The following RYR2 variants were observed in gnomAD, a reference collection of about 807,000 sequenced individuals.
The protein encoded by RYR2 is ryanodine receptor 2.
A neutral mutation model predicts 601.1 loss-of-function variants in RYR2; 227 were observed. That is an observed-to-expected ratio of 0.38 (90% confidence interval 0.34 to 0.42). RYR2 has a LOEUF of 0.42. Among genes scored for constraint, RYR2 ranks in the 10% least tolerant of loss-of-function variants. The pLI, the probability that RYR2 is intolerant of heterozygous loss-of-function variation, is 1.00. For synonymous variants in RYR2, 2,223 were observed against 2,175.1 expected (o/e 1.02, Z -0.61); for missense variants, 4,646 against 6,156.5 (o/e 0.75, Z 8.21).
intron 1 of RYR2, among the ~76,000 whole-genome samples, chr1:237,168,397 A>G (rs1429083003): frequency 6.6e-6 from 1 of 152,092 alleles, no homozygotes; most frequent in East Asian, 1.9e-4. Context: ...GCTTTGGGTC[A>G]TTTATTTGAT....
At chr1:237,465,542 C>G (rs151186446) in intron 16 of RYR2, among the ~76,000 whole-genome samples, 13 of 152,258 alleles carry the variant, frequency 8.5e-5, no homozygotes, top group Non-Finnish European at 1.9e-4. Context: ...ATACATCTTG[C>G]AAACATCATG....
chr1:237,117,707 CTTCTCTTCTCTTCTCTTCTCTTCTCTTCT>C, intron 1 of RYR2, among the ~76,000 whole-genome samples: 1 of 130,332 alleles, frequency 7.7e-6, no homozygotes, highest in Non-Finnish European at 1.7e-5. Context: ...CTTCTCTTCT[CTTCTCTTCTCTTCTCTTCTCTTCTCTTCT>C]CTTCTCTTCT....
At chr1:237,548,032 AATCTAAC>A (rs1670003842) in intron 25 of RYR2, among the ~76,000 whole-genome samples, 1 of 152,380 alleles carries the variant, frequency 6.6e-6, no homozygotes, top group South Asian at 2.1e-4. Context: ...ATATTACATT[AATCTAAC>A]ATTTAACAAT....
intron 29 of RYR2, among the ~76,000 whole-genome samples, chr1:237,579,649 C>T (rs545029555): frequency 1.1e-3 from 171 of 152,184 alleles, no homozygotes; most frequent in African/African-American, 4.0e-3. Context: ...TCTTGAGCTC[C>T]TATATTAAAC....
At chr1:237,673,209 C>T (rs1170326641) in intron 58 of RYR2, among the ~76,000 whole-genome samples, 2 of 152,176 alleles carry the variant, frequency 1.3e-5, no homozygotes, top group Admixed American at 1.3e-4. Flanking sequence ...TATATTACCA[C>T]ACATGTTTTA....
chr1:237,565,228 GTCTT>G (rs1484195075), intron 27 of RYR2, among the ~76,000 whole-genome samples: 9 of 85,862 alleles, frequency 1.0e-4, no homozygotes, highest in Middle Eastern at 6.8e-3. Flanking sequence ...TCTTTCTTTT[GTCTT>G]TCTTTCTTTC....
intron 47 of RYR2, among the ~76,000 whole-genome samples, chr1:237,641,485 C>CTT (rs1553264983): frequency 2.5e-4 from 18 of 72,190 alleles, no homozygotes; most frequent in African/African-American, 7.3e-4. Context: ...TTCTTTCTTT[C>CTT]TTTCTTTCTT....
At chr1:237,716,496 C>A (rs1689276249) in intron 71 of RYR2, among the ~76,000 whole-genome samples, 1 of 152,018 alleles carries the variant, frequency 6.6e-6, no homozygotes, top group Admixed American at 6.6e-5. Context: ...ATACTCATTA[C>A]CCAGTGAAAA....
intron 2 of RYR2, among the ~76,000 whole-genome samples, chr1:237,289,348 A>C (rs940225435): frequency 2.6e-5 from 4 of 152,146 alleles, no homozygotes; most frequent in African/African-American, 9.7e-5. Context: ...AGTTTGTATT[A>C]GTCCTTTCTC....
chr1:237,094,374 C>T (rs1370938675), intron 1 of RYR2, among the ~76,000 whole-genome samples: 1 of 152,180 alleles, frequency 6.6e-6, no homozygotes, highest in Non-Finnish European at 1.5e-5. Flanking sequence ...GTATCACTCA[C>T]CCACTAGGTA....
intron 16 of RYR2, among the ~76,000 whole-genome samples, chr1:237,459,798 G>T (rs942595113): frequency 1.3e-5 from 2 of 152,050 alleles, no homozygotes; most frequent in Non-Finnish European, 2.9e-5. Flanking sequence ...GGACTTGGTG[G>T]GTATGAACAC....
chr1:237,806,921 A>G (rs182553069), intron 99 of RYR2, among the ~76,000 whole-genome samples: 7 of 152,304 alleles, frequency 4.6e-5, no homozygotes, highest in African/African-American at 1.2e-4. Flanking sequence ...AGAAGTGTGC[A>G]CTGATCCGTT....
intron 1 of RYR2, among the ~76,000 whole-genome samples, chr1:237,254,795 A>G (rs570293534): frequency 8.9e-4 from 136 of 152,344 alleles, no homozygotes; most frequent in Non-Finnish European, 1.3e-3. Flanking sequence ...AGAACAGACA[A>G]TGCTCTCTGG....
At chr1:237,674,396 T>A (rs1456374968) in intron 59 of RYR2, among the ~76,000 whole-genome samples, 177 bp downstream of exon 59, 1 of 152,120 alleles carries the variant, frequency 6.6e-6, no homozygotes, top group Non-Finnish European at 1.5e-5. Context: ...GTGTACCATA[T>A]AACTGAGTTC....
chr1:237,584,450 G>C, intron 29 of RYR2, among the ~76,000 whole-genome samples: 1 of 152,022 alleles, frequency 6.6e-6, no homozygotes, highest in East Asian at 1.9e-4. Flanking sequence ...TGTATTCAAA[G>C]TTGTGCTCCA....
intron 47 of RYR2, among the ~76,000 whole-genome samples, 161 bp from the exon 48 acceptor site, chr1:237,643,166 G>A (rs1038295506): frequency 3.3e-5 from 5 of 152,114 alleles, no homozygotes; most frequent in South Asian, 2.1e-4. Context: ...GTAAATATTC[G>A]CAGGTAAGCC....
Position 237,784,577 on chromosome 1 carries a change from A to G in RYR2, c.12865A>G (p.Ser4289Gly), listed in dbSNP as rs1386632671. 5.0e-6 allele frequency: 8 copies of G among 1,613,826 alleles called. No individual in the cohort carries two copies. The highest frequency in any genetic ancestry group is 2.7e-5 in the African/African-American group (2 of 74,916). The change falls in exon 90 of 105, where the codon AGT (serine) becomes GGT (glycine). Residue 4289 changes from serine to glycine, a missense_variant. This residue lies in a region of RYR2 where 364 missense variants were observed against 442.9 expected (regional missense o/e 0.82). Transcript: ENST00000366574. The surrounding 1 kb of genome is among the most constrained non-coding windows in gnomAD (Gnocchi z 7.1). ...CACGGCCTTCTTTTCATCCTACTGG[A>G]GTATTTTCATGACCCTCTTGCACTT... ...MVTAFFSSYW[S>G]IFMTLLHFVA...
chr1:237,428,279 C>T (rs1264050965), intron 12 of RYR2, among the ~76,000 whole-genome samples: 1 of 152,120 alleles, frequency 6.6e-6, no homozygotes, highest in Non-Finnish European at 1.5e-5. Flanking sequence ...ATAAATCAGT[C>T]TATTATAAAG....
intron 33 of RYR2, among the ~76,000 whole-genome samples, chr1:237,594,985 G>A (rs1288234244): frequency 7.9e-6 from 1 of 126,784 alleles, no homozygotes; most frequent in East Asian, 2.4e-4. Context: ...CCAGAAAGGG[G>A]CAAAATTTTA....
Sources: allele counts gnomAD v4.1 joint callset (sites outside exome capture counted in the v4.1 genomes callset), GRCh38; gene constraint gnomAD v4.1.1; regional missense constraint gnomAD v4.1.1; non-coding constraint Gnocchi (gnomAD v3.1); transcripts MANE v1.5; gene names NCBI Gene and HGNC (gene_info 2026-07-23, HGNC 2026-07-21).